Variants in KPNA5 observed in about 807,000 individuals in gnomAD.
The protein encoded by KPNA5 is karyopherin subunit alpha 5.
In KPNA5, 46 loss-of-function variants were observed where a neutral mutation model predicts 71.3. The observed-to-expected ratio is 0.65, with a 90% CI of 0.51 to 0.83. KPNA5 has a LOEUF of 0.83. Among genes scored for constraint, KPNA5 ranks in the 40% least tolerant of loss-of-function variants. The pLI, the probability that KPNA5 is intolerant of heterozygous loss-of-function variation, is 0.00. For missense variants in KPNA5, 547 were observed against 628.3 expected (o/e 0.87, Z 1.38); for synonymous variants, 207 against 201.4 (o/e 1.03, Z -0.24).
intron 7 of KPNA5, among the ~76,000 whole-genome samples, chr6:116,710,871 T>TATATATATATATATATA (rs1221307889): frequency 1.9e-5 from 2 of 103,832 alleles, no homozygotes; most frequent in Admixed American, 2.1e-4. Flanking sequence ...AGTAATATTA[T>TATATATATATATATATA]TTTATATATA....
At chr6:116,710,263 G>A (rs1056409033) in intron 7 of KPNA5, among the ~76,000 whole-genome samples, 2 of 152,010 alleles carry the variant, frequency 1.3e-5, no homozygotes, top group African/African-American at 4.8e-5. Context: ...CTAGGATTTT[G>A]TTGAGGATTT....
chr6:116,707,773 C>T (rs1778504025), intron 7 of KPNA5, among the ~76,000 whole-genome samples: 1 of 152,202 alleles, frequency 6.6e-6, no homozygotes, highest in African/African-American at 2.4e-5. Flanking sequence ...TAATAGAATA[C>T]ATGTAACCAG....
At chr6:116,683,192 TTC>T (rs1411718762) in intron 1 of KPNA5, among the ~76,000 whole-genome samples, 9 of 152,200 alleles carry the variant, frequency 5.9e-5, no homozygotes, top group Admixed American at 5.9e-4. Flanking sequence ...TCTTAAAAAT[TTC>T]TGTTTTTTGT....
rs1483327851 is a variant in KPNA5, at chr6:116,737,100, A to T, written c.*4777A>T. 6.6e-6 allele frequency: 1 copy of T among 151,866 alleles called. No individual in the cohort carries two copies. The highest frequency in any genetic ancestry group is 6.6e-5 in the Admixed American group (1 of 15,192). The allele number at this position is 151,866 out of a possible 1,614,324, so 9.4% of individuals were successfully genotyped here. On this transcript the variant is annotated 3_prime_UTR_variant, in exon 14 of 14. Coordinates refer to ENST00000368564, the MANE Select transcript of KPNA5 (RefSeq NM_001366306.2). ...CATGTTTGGATATTGAATTTCCCAT[A>T]TTTGTTCTTCTTAACACAAGTTACT...
intron 2 of KPNA5, 92 bp from the exon 3 acceptor site, chr6:116,691,963 C>A: frequency 8.8e-6 from 7 of 795,212 alleles, no homozygotes; most frequent in Non-Finnish European, 1.3e-5. Flanking sequence ...TGATAGGTTT[C>A]TTTTGTCCAC....
At chr6:116,701,468 T>TA (rs960116844) in intron 5 of KPNA5, among the ~76,000 whole-genome samples, 8 of 151,862 alleles carry the variant, frequency 5.3e-5, no homozygotes, top group Non-Finnish European at 1.2e-4. Flanking sequence ...CTCTGCAGCT[T>TA]AAAAAAAATA....
rs551305386 is a variant in KPNA5, at chr6:116,684,742, G to A, written c.4+3404G>A. On this transcript the variant is annotated intron_variant, in intron 1 of 13. Coordinates refer to ENST00000368564, the MANE Select transcript of KPNA5 (RefSeq NM_001366306.2). ...AGATCCCTGTCCTGAGTTCTGATCCGTATTTTCAACCATCTACAGATCAAA... is the reference window on the plus strand; with the variant it reads ...AGATCCCTGTCCTGAGTTCTGATCCATATTTTCAACCATCTACAGATCAAA... Among the ~76,000 whole-genome samples the A allele has an allele frequency of 1.6e-4, 25 of 152,212 alleles. 1 individual carries two copies. The South Asian group carries it at 3.9e-3, about 24-fold the overall frequency.
rs1417369575 is a variant in KPNA5, at chr6:116,740,348, G to A, written c.*8025G>A. Reference sequence around the variant, plus strand: ...TCATTAAAAAGTCAGGAAACAACAGGTGCTGGAGAGGATGTGGAGAAATAG... The same window carrying A: ...TCATTAAAAAGTCAGGAAACAACAGATGCTGGAGAGGATGTGGAGAAATAG... On this transcript the variant is annotated 3_prime_UTR_variant, in exon 14 of 14. Coordinates refer to ENST00000368564, the MANE Select transcript of KPNA5 (RefSeq NM_001366306.2). The A allele has an allele frequency of 6.6e-6, 1 of 152,104 alleles. No homozygotes were observed. Among genetic ancestry groups the A allele is most frequent in the East Asian group, 1.9e-4 (1 of 5,188 alleles). The allele number at this position is 152,104 out of a possible 1,614,324, so 9.4% of individuals were successfully genotyped here.
intron 5 of KPNA5, among the ~76,000 whole-genome samples, chr6:116,699,441 G>C (rs1442133949): frequency 6.6e-6 from 1 of 152,108 alleles, no homozygotes; most frequent in Non-Finnish European, 1.5e-5. Context: ...CTATGTATCA[G>C]GAATTGCACA....
intron 5 of KPNA5, 131 bp downstream of exon 5, chr6:116,698,929 T>C (rs1419950846): frequency 4.1e-6 from 2 of 490,342 alleles, no homozygotes; most frequent in Non-Finnish European, 7.2e-6. Context: ...GAAAAGGTAG[T>C]GCTGCCTATC....
In KPNA5 at chr6:116,681,233, G is replaced by A. The variant is rs1583391528; in HGVS notation, c.-102G>A. 1.3e-6 allele frequency: 2 copies of A among 1,521,894 alleles called. No homozygotes were observed. Among genetic ancestry groups the A allele is most frequent in the African/African-American group, 1.4e-5 (1 of 72,184 alleles). 94.3% of individuals were successfully genotyped at this position (1,521,894 alleles called of 1,614,324 possible). ...GCCATCTTGGATTGCGAACTGGGTC[G>A]CTACGCTTCACGCCAGGGGCGGAGT... is the stretch of plus-strand genomic sequence containing the variant. On this transcript the variant is annotated 5_prime_UTR_variant, in exon 1 of 14. Coordinates refer to ENST00000368564, the MANE Select transcript of KPNA5 (RefSeq NM_001366306.2).
chr6:116,691,092 G>A (rs1777784167), intron 2 of KPNA5, among the ~76,000 whole-genome samples: 1 of 152,144 alleles, frequency 6.6e-6, no homozygotes. Context: ...AGCCGAGCAT[G>A]GTGGCGCACG....
intron 13 of KPNA5, among the ~76,000 whole-genome samples, chr6:116,730,260 T>C (rs760092406): frequency 5.3e-5 from 8 of 151,840 alleles, no homozygotes; most frequent in Non-Finnish European, 7.4e-5. Flanking sequence ...CTGATTTTTG[T>C]ATTTTTAGTA....
intron 8 of KPNA5, among the ~76,000 whole-genome samples, chr6:116,719,168 C>T (rs1779015031): frequency 6.6e-6 from 1 of 152,178 alleles, no homozygotes; most frequent in Non-Finnish European, 1.5e-5. Flanking sequence ...ATGTAGAATT[C>T]TGTTCTTTTA....
intron 4 of KPNA5, among the ~76,000 whole-genome samples, chr6:116,694,785 A>G (rs1235893215): frequency 6.6e-6 from 1 of 152,184 alleles, no homozygotes; most frequent in Admixed American, 6.5e-5. Flanking sequence ...TCAATTTTAG[A>G]TTACCATAAA....
chr6:116,696,285 C>A (rs1778025939), intron 4 of KPNA5, among the ~76,000 whole-genome samples: 1 of 152,104 alleles, frequency 6.6e-6, no homozygotes, highest in South Asian at 2.1e-4. Context: ...TGAGTTCCTG[C>A]CACATCTATC....
At chr6:116,689,273 G>C in intron 1 of KPNA5, 47 bp from the exon 2 acceptor site, 1 of 1,574,732 alleles carries the variant, frequency 6.4e-7, no homozygotes, top group Non-Finnish European at 8.6e-7. Flanking sequence ...ATGTTGTTTT[G>C]AGAGAGTGAG....
intron 13 of KPNA5, among the ~76,000 whole-genome samples, chr6:116,730,897 T>C (rs1779457306): frequency 6.6e-6 from 1 of 152,064 alleles, no homozygotes; most frequent in Admixed American, 6.6e-5. Context: ...TATTTTATAG[T>C]AGTTTATTTT....
intron 12 of KPNA5, among the ~76,000 whole-genome samples, chr6:116,728,447 T>TA (rs1779358457): frequency 1.3e-5 from 2 of 152,166 alleles, no homozygotes; most frequent in South Asian, 4.1e-4. Context: ...TCCATACCAC[T>TA]AGTTGAGTGC....
Sources: gnomAD v4.1 joint callset for allele counts (sites outside exome capture counted in the v4.1 genomes callset) on GRCh38, gnomAD v4.1.1 for gene constraint, MANE v1.5 for transcripts, NCBI Gene and HGNC (gene_info 2026-07-23, HGNC 2026-07-21) for gene names.